Variants in HERPUD1 observed in about 807,000 individuals in gnomAD.
HERPUD1 encodes homocysteine inducible ER protein with ubiquitin like domain 1.
Under a neutral mutation model 45.0 loss-of-function variants are expected in HERPUD1, and 17 were observed. That is an observed-to-expected ratio of 0.38 (90% CI 0.26 to 0.57). The LOEUF is 0.57. Ranked by LOEUF, HERPUD1 falls within the 20% of genes least tolerant of loss-of-function variation. The pLI is 0.72. For missense variants in HERPUD1, 420 were observed against 490.5 expected, an observed-to-expected ratio of 0.86 and a Z score of 1.36; for synonymous variants, 164 against 177.5, an observed-to-expected ratio of 0.92 and a Z score of 0.61.
At chr16:56,938,151 T>G (rs75163163) in intron 4 of HERPUD1, among the ~76,000 whole-genome samples, 1,816 of 152,316 alleles carry the variant, frequency 0.012, 38 homozygotes, top group African/African-American at 0.041. Flanking sequence ...GGCAATTCTA[T>G]TATGGTTTCA....
intron 3 of HERPUD1, 47 bp from the exon 4 acceptor site, chr16:56,936,640 C>T (rs2055868452): frequency 1.3e-6 from 2 of 1,499,910 alleles, no homozygotes; most frequent in Admixed American, 2.0e-5. Context: ...TGATTTCAGA[C>T]AGTTGCATCA....
rs758409488 is a variant in HERPUD1 at position 56,932,164 on chromosome 16, T to C, written c.-81T>C. The C allele has an allele frequency of 6.4e-6, 10 of 1,560,080 alleles. No homozygotes were observed. The highest frequency in any genetic ancestry group is 5.4e-5 in the African/African-American group (4 of 73,954). ...CGCGCCCCAGAGACGTGAACTGTCG[T>C]TGCAGAGATTGCGGGCGGCTGAGAC... On this transcript the variant is annotated 5_prime_UTR_variant, in exon 1 of 8. Coordinates refer to ENST00000439977, the MANE Select transcript of HERPUD1 (RefSeq NM_014685.4).
chr16:56,935,090 T>A, intron 1 of HERPUD1, 145 bp from the exon 2 acceptor site: 1 of 629,236 alleles, frequency 1.6e-6, no homozygotes, highest in Non-Finnish European at 2.9e-6. Flanking sequence ...AAGTCTTGTA[T>A]ATGGGGCTTT....
At chr16:56,937,582 C>CA (rs2144820340) in intron 4 of HERPUD1, among the ~76,000 whole-genome samples, 1 of 151,576 alleles carries the variant, frequency 6.6e-6, no homozygotes, top group Non-Finnish European at 1.5e-5. Flanking sequence ...AAATAACAAT[C>CA]AGAGTTTTAC....
chr16:56,936,357 ATAAATCTTGT>A, intron 3 of HERPUD1: 1 of 165,596 alleles, frequency 6.0e-6, no homozygotes, highest in Non-Finnish European at 1.3e-5. Flanking sequence ...GGTTGTATTT[ATAAATCTTGT>A]TGGTCAGATG....
chr16:56,942,315 A>G, intron 7 of HERPUD1, 78 bp downstream of exon 7: 1 of 901,010 alleles, frequency 1.1e-6, no homozygotes, highest in Non-Finnish European at 1.8e-6. Context: ...TTAGATTGCC[A>G]GCTTGCGGTT....
intron 1 of HERPUD1, among the ~76,000 whole-genome samples, chr16:56,933,715 G>A (rs995248755): frequency 2.2e-4 from 33 of 152,136 alleles, no homozygotes; most frequent in Non-Finnish European, 3.7e-4. Flanking sequence ...AATATGAGAA[G>A]GCCTACTTTG....
At position 56,940,000 on chromosome 16, in the gene HERPUD1, A is replaced by C. The variant is rs761291756; in HGVS notation, c.660A>C (p.Pro220=). The stretch of plus-strand genomic sequence containing the variant: ...CAGCCCCTATTCACAACCAGTTTCC[A>C]GCTGAAAACCAGCCTGCCAATCAGA... ...PAPAPIHNQF[P]AENQPANQNA... Residue 220 remains proline (P), a synonymous_variant, in exon 6 of 8, where the codon CCA becomes CCC. Transcript: ENST00000439977. The C allele has an allele frequency of 1.2e-6, 2 of 1,614,236 alleles. No individual in the cohort carries two copies. Among genetic ancestry groups the C allele is most frequent in the South Asian group, 2.2e-5 (2 of 91,086 alleles).
chr16:56,937,784 A>G (rs1203088122), intron 4 of HERPUD1, among the ~76,000 whole-genome samples: 2 of 150,978 alleles, frequency 1.3e-5, no homozygotes, highest in Non-Finnish European at 2.9e-5. Flanking sequence ...TTTTATTTCC[A>G]TGCACTGTAA....
chr16:56,937,864 T>C (rs1850705329), intron 4 of HERPUD1, among the ~76,000 whole-genome samples: 4 of 151,836 alleles, frequency 2.6e-5, no homozygotes. Context: ...TTAGAAATAC[T>C]CTGTGTATGG....
chr16:56,939,051 T>A, intron 4 of HERPUD1, 186 bp from the exon 5 acceptor site: 1 of 621,630 alleles, frequency 1.6e-6, no homozygotes, highest in Non-Finnish European at 2.8e-6. Context: ...GTAGAAGTGC[T>A]GTGTCATTTA....
intron 6 of HERPUD1, 116 bp downstream of exon 6, chr16:56,940,361 T>C: frequency 1.4e-6 from 1 of 708,992 alleles, no homozygotes; most frequent in Non-Finnish European, 2.4e-6. Flanking sequence ...TCATTCAGGC[T>C]GGAGTACAAT....
At position 56,940,232 on chromosome 16, in the gene HERPUD1, G is replaced by A. The variant is rs766290246; in HGVS notation, c.892G>A (p.Val298Ile). 38 of 1,608,302 alleles carry A rather than the reference G, an allele frequency of 2.4e-5. No individual in the cohort carries two copies. The East Asian group carries it at 7.6e-4, about 32-fold the overall frequency. Reference protein sequence around the residue: ...SRFLMVMGATVVMYLHHVGWF... With the variant: ...SRFLMVMGATIVMYLHHVGWF... ...ATTCCTCATGGTCATGGGGGCCACC[G>A]TTGTTATGTACCTGTAAGCAGATGG... The change falls in exon 6 of 8, where the codon GTT (valine) becomes ATT (isoleucine). Residue 298 changes from valine to isoleucine, a missense_variant. Physicochemically the swap from Val to Ile is conservative, Grantham distance 29. Transcript: ENST00000439977.
intron 4 of HERPUD1, among the ~76,000 whole-genome samples, chr16:56,938,299 C>G (rs986085297): frequency 2.6e-5 from 4 of 152,028 alleles, no homozygotes; most frequent in Non-Finnish European, 4.4e-5. Context: ...CGCGGTGGCT[C>G]ACACCTGTAA....
chr16:56,942,750 C>T (rs1032695273), intron 7 of HERPUD1, among the ~76,000 whole-genome samples: 3 of 152,128 alleles, frequency 2.0e-5, no homozygotes, highest in African/African-American at 7.2e-5. Flanking sequence ...GAGGCTGAGG[C>T]GGAAGGATGG....
rs575530035 is a variant in HERPUD1, at chr16:56,932,230, ACCGCCG to A, written c.-6_-1del. 1.6e-5 allele frequency: 26 copies of A among 1,603,254 alleles called. No individual in the cohort carries two copies. The highest frequency in any genetic ancestry group is 2.7e-5 in the African/African-American group (2 of 74,768). On this transcript the variant is annotated 5_prime_UTR_variant, in exon 1 of 8. Transcript: ENST00000439977. The stretch of plus-strand genomic sequence containing the variant: ...CCTAGGAGCGCAGCGGAGCCCCGAC[ACCGCCG>A]CCGCCGCCATGGAGTCCGAGACCGA...
In HERPUD1 at chr16:56,943,300, T is replaced by G. The variant is rs1317304866; in HGVS notation, c.*10T>G. 1 of 1,614,114 alleles carries G rather than the reference T, an allele frequency of 6.2e-7. No individual in the cohort carries two copies. Among genetic ancestry groups the G allele is most frequent in the East Asian group, 2.2e-5 (1 of 44,884 alleles). On this transcript the variant is annotated 3_prime_UTR_variant, in exon 8 of 8. Coordinates refer to ENST00000439977, the MANE Select transcript of HERPUD1 (RefSeq NM_014685.4). ...AGCCATCGCAAACTGATGGTGTTTG[T>G]GCTGTAGCTGTTGGAGGCTTTGACA...
At chr16:56,942,757 A>G (rs549652384) in intron 7 of HERPUD1, among the ~76,000 whole-genome samples, 30 of 152,308 alleles carry the variant, frequency 2.0e-4, no homozygotes, top group African/African-American at 7.0e-4. Context: ...AGGCGGAAGG[A>G]TGGCTTGACC....
intron 3 of HERPUD1, 190 bp from the exon 4 acceptor site, chr16:56,936,497 C>T: frequency 2.6e-6 from 1 of 383,270 alleles, no homozygotes; most frequent in Non-Finnish European, 4.6e-6. Context: ...ATTTTAGCAT[C>T]TATGTATTGA....
Sources: gnomAD v4.1 joint callset for allele counts (sites outside exome capture counted in the v4.1 genomes callset) on GRCh38, gnomAD v4.1.1 for gene constraint, MANE v1.5 for transcripts, NCBI Gene and HGNC (gene_info 2026-07-23, HGNC 2026-07-21) for gene names.